The following MTARC1 variants were observed in gnomAD, a reference collection of about 807,000 sequenced individuals.
MTARC1 encodes the protein mitochondrial amidoxime reducing component 1, also known as mitochondrial amidoxime-reducing component 1.
In MTARC1, 24 loss-of-function variants were observed where a neutral mutation model predicts 33.6. The ratio of observed to expected loss-of-function variants is 0.72; its 90% CI spans 0.52 to 1.01. The LOEUF (loss-of-function observed/expected upper bound fraction) is 1.01, where lower values mean the gene tolerates loss of function less well. Ranked by LOEUF, MTARC1 falls within the 50% of genes least tolerant of loss-of-function variation. MTARC1 has a pLI of 0.00. For missense variants in MTARC1, 417 were observed against 445.7 expected, an observed-to-expected ratio of 0.94 and a Z score of 0.58; for synonymous variants, 187 against 189.5, an observed-to-expected ratio of 0.99 and a Z score of 0.11.
intron 6 of MTARC1, among the ~76,000 whole-genome samples, chr1:220,810,618 C>T (rs540917992): frequency 2.0e-5 from 3 of 152,372 alleles, no homozygotes; most frequent in South Asian, 4.1e-4. Context: ...GAGGGGCAGC[C>T]GCTCTTTACG....
intron 4 of MTARC1, among the ~76,000 whole-genome samples, chr1:220,799,923 G>T (rs138641049): frequency 1.6e-4 from 24 of 152,342 alleles, no homozygotes; most frequent in African/African-American, 5.8e-4. Flanking sequence ...ATGACAATTT[G>T]TGGAAAAGTT....
At chr1:220,798,422 G>C (rs911534616) in intron 4 of MTARC1, 6 of 1,173,456 alleles carry the variant, frequency 5.1e-6, no homozygotes, top group Non-Finnish European at 6.4e-6. Context: ...TTTACTGCAA[G>C]GCTGCTGGGT....
chr1:220,791,991 G>A (rs1007619609), intron 2 of MTARC1, among the ~76,000 whole-genome samples: 1 of 152,102 alleles, frequency 6.6e-6, no homozygotes, highest in Non-Finnish European at 1.5e-5. Flanking sequence ...GAGTGGTGGG[G>A]GCGAGTGTCC....
chr1:220,796,895 G>C (rs1672639903), intron 3 of MTARC1, 90 bp downstream of exon 3: 1 of 1,363,546 alleles, frequency 7.3e-7, no homozygotes, highest in Non-Finnish European at 9.8e-7. Flanking sequence ...CGGCTCTGTT[G>C]TTTTCTGGGG....
Position 220,804,292 on chromosome 1 carries a change from G to C in MTARC1, c.754-760G>C, listed in dbSNP as rs543318333. 1.5e-4 allele frequency among the ~76,000 whole-genome samples: 23 copies of C among 152,292 alleles called. 1 individual carries two copies. Among genetic ancestry groups the C allele is most frequent in the African/African-American group, 5.3e-4 (22 of 41,550 alleles). ...GGAGAGTCATGCCTCTGAATCCCCAGAGTAAGCATTGCCAGCACAGTTAAA... is the reference window on the plus strand; with the variant it reads ...GGAGAGTCATGCCTCTGAATCCCCACAGTAAGCATTGCCAGCACAGTTAAA... On this transcript the variant is annotated intron_variant, in intron 4 of 6. Coordinates refer to ENST00000366910, the MANE Select transcript of MTARC1 (RefSeq NM_022746.4).
At chr1:220,793,068 T>C (rs1355293445) in intron 2 of MTARC1, 2 of 152,236 alleles carry the variant, frequency 1.3e-5, no homozygotes, top group African/African-American at 4.8e-5. Flanking sequence ...TGTAGGCTTT[T>C]GATACACCTT....
At position 220,791,606 on chromosome 1, in the gene MTARC1, A is replaced by C. The variant is rs767931783; in HGVS notation, c.391A>C (p.Thr131Pro). 6.2e-7 allele frequency: 1 copy of C among 1,614,164 alleles called. No individual in the cohort carries two copies. Among genetic ancestry groups the C allele is most frequent in the Non-Finnish European group, 8.5e-7 (1 of 1,180,034 alleles). Residue 131 changes from threonine (T) to proline (P), a missense_variant, in exon 2 of 7, where the codon ACA becomes CCA. Physicochemically the swap from Thr to Pro is conservative, Grantham distance 38. Coordinates refer to ENST00000366910, the MANE Select transcript of MTARC1 (RefSeq NM_022746.4). ...CACCCTGACTCTCAGTGCAGCCTAC[A>C]CAAAGGACCTACTACTGCCTATCAA... Reference protein sequence around the residue: ...GDTLTLSAAYTKDLLLPIKTP... With the variant: ...GDTLTLSAAYPKDLLLPIKTP...
intron 4 of MTARC1, among the ~76,000 whole-genome samples, chr1:220,802,332 ATTCT>A (rs1006098530): frequency 3.0e-4 from 46 of 150,976 alleles, no homozygotes; most frequent in African/African-American, 1.1e-3. Flanking sequence ...CCCTAAACTC[ATTCT>A]TTCTTTCTTT....
At chr1:220,787,408 G>A (rs1038073589) in intron 1 of MTARC1, among the ~76,000 whole-genome samples, 189 bp downstream of exon 1, 6 of 152,160 alleles carry the variant, frequency 3.9e-5, no homozygotes, top group Admixed American at 2.0e-4. Context: ...CAGACCCCAG[G>A]GCTCTGGGAC....
At chr1:220,807,276 T>C (rs1189200777) in intron 6 of MTARC1, among the ~76,000 whole-genome samples, 1 of 152,212 alleles carries the variant, frequency 6.6e-6, no homozygotes, top group East Asian at 1.9e-4. Flanking sequence ...GATAGATACA[T>C]GTGTGATAAA....
intron 4 of MTARC1, chr1:220,798,736 C>T: frequency 1.3e-6 from 1 of 779,872 alleles, no homozygotes; most frequent in South Asian, 5.8e-5. Flanking sequence ...GCTAGGAATT[C>T]AGGAGCTCTG....
At chr1:220,789,831 T>G (rs1223474841) in intron 1 of MTARC1, among the ~76,000 whole-genome samples, 2 of 152,210 alleles carry the variant, frequency 1.3e-5, no homozygotes, top group Non-Finnish European at 2.9e-5. Flanking sequence ...AAATATTGCA[T>G]AATTCCAATT....
intron 6 of MTARC1, among the ~76,000 whole-genome samples, chr1:220,812,695 T>TTAA (rs1179015197): frequency 1.3e-5 from 2 of 151,600 alleles, no homozygotes; most frequent in Non-Finnish European, 2.9e-5. Flanking sequence ...CAAAGGAAGA[T>TTAA]GATAAAGTAT....
chr1:220,808,545 C>T (rs989943832), intron 6 of MTARC1, among the ~76,000 whole-genome samples: 1 of 152,228 alleles, frequency 6.6e-6, no homozygotes, highest in African/African-American at 2.4e-5. Context: ...ACAGTGGTGT[C>T]CACAGCCTCT....
intron 4 of MTARC1, chr1:220,798,312 A>G (rs1034945872): frequency 1.6e-6 from 2 of 1,280,498 alleles, no homozygotes; most frequent in African/African-American, 3.0e-5. Flanking sequence ...CATAGACTAC[A>G]TGATCTGTGT....
intron 2 of MTARC1, among the ~76,000 whole-genome samples, chr1:220,792,718 C>T (rs955564561): frequency 2.0e-5 from 3 of 150,338 alleles, no homozygotes; most frequent in Non-Finnish European, 3.0e-5. Flanking sequence ...TATTTTCTTT[C>T]GGTCTCTATG....
Position 220,815,314 on chromosome 1 carries a change from A to C in MTARC1, c.*1896A>C, listed in dbSNP as rs919282728. ...AACCCAAGGTTTGGTGGCTCTTCCT[A>C]GGTATTTATAATTAGTGGCAAGTGA... On this transcript the variant is annotated 3_prime_UTR_variant, in exon 7 of 7. Coordinates refer to ENST00000366910, the MANE Select transcript of MTARC1 (RefSeq NM_022746.4). 2 of 152,260 alleles carry C rather than the reference A, an allele frequency of 1.3e-5. No individual in the cohort carries two copies. Among genetic ancestry groups the C allele is most frequent in the Admixed American group, 1.3e-4 (2 of 15,290 alleles). 9.4% of individuals were successfully genotyped at this position (152,260 alleles called of 1,614,324 possible).
chr1:220,810,863 C>G (rs763863344), intron 6 of MTARC1, among the ~76,000 whole-genome samples: 55 of 152,256 alleles, frequency 3.6e-4, no homozygotes, highest in Non-Finnish European at 6.2e-4. Flanking sequence ...GGCTCTGGCC[C>G]CAGCTGGATC....
At position 220,806,890 on chromosome 1, in the gene MTARC1, G is replaced by T. The variant is rs72472347; in HGVS notation, c.887+1616G>T. 2.2e-3 allele frequency among the ~76,000 whole-genome samples: 339 copies of T among 152,302 alleles called. 9 individuals are homozygous for T. In the East Asian group the frequency reaches 0.05, roughly 22 times the overall value. On this transcript the variant is annotated intron_variant, in intron 6 of 6. Transcript: ENST00000366910. ...AAACAGGGTGGGTGGAGGGAATTAC[G>T]GAGAAGGGGGTTTGTGGTACTCAAG...
Sources: allele counts gnomAD v4.1 joint callset (sites outside exome capture counted in the v4.1 genomes callset), GRCh38; gene constraint gnomAD v4.1.1; transcripts MANE v1.5; gene names NCBI Gene and HGNC (gene_info 2026-07-23, HGNC 2026-07-21).